Variants in UMAD1 observed in about 807,000 individuals in gnomAD.
UMAD1 encodes UBAP1-MVB12-associated (UMA) domain containing 1, also known as UBAP1-MVB12-associated (UMA)-domain containing protein 1.
A neutral mutation model predicts 6.1 loss-of-function variants in UMAD1; 8 were observed. The ratio of observed to expected loss-of-function variants is 1.30; its 90% CI spans 0.76 to 2.35. The LOEUF (loss-of-function observed/expected upper bound fraction) is 2.35. Among genes scored for constraint, UMAD1 ranks in the 30% most tolerant of loss-of-function variants. UMAD1 has a pLI of 0.00. For missense variants in UMAD1, 130 were observed against 78.4 expected (o/e 1.66, Z -2.49); for synonymous variants, 56 against 31.4 (o/e 1.78, Z -2.61).
intron 2 of UMAD1, among the ~76,000 whole-genome samples, chr7:7,674,512 C>T (rs1414509200): frequency 1.3e-5 from 2 of 152,156 alleles, no homozygotes; most frequent in African/African-American, 2.4e-5. Flanking sequence ...TGTCCAGGGA[C>T]AGGAGCAGTA....
chr7:7,826,829 T>C (rs568276684), intron 3 of UMAD1, among the ~76,000 whole-genome samples: 28 of 152,102 alleles, frequency 1.8e-4, no homozygotes, highest in Non-Finnish European at 2.8e-4. Context: ...TACCTGTAAT[T>C]AAAGAAGAAG....
intron 3 of UMAD1, among the ~76,000 whole-genome samples, chr7:7,812,399 A>G (rs1375984673): frequency 6.6e-5 from 10 of 152,210 alleles, no homozygotes; most frequent in Non-Finnish European, 1.2e-4. Context: ...TAAAATGACC[A>G]CAATGATATT....
chr7:7,759,749 A>T (rs188638853), intron 2 of UMAD1, among the ~76,000 whole-genome samples: 5 of 152,240 alleles, frequency 3.3e-5, no homozygotes, highest in Non-Finnish European at 7.4e-5. Context: ...GTAGGGAAGA[A>T]GGAGGAATGG....
chr7:7,838,735 A>G (rs1282406793), intron 3 of UMAD1, among the ~76,000 whole-genome samples: 3 of 152,222 alleles, frequency 2.0e-5, no homozygotes, highest in Non-Finnish European at 4.4e-5. Flanking sequence ...ATGTTTATTC[A>G]CAAATGAAAT....
chr7:7,707,001 C>T (rs1345283851), intron 2 of UMAD1, among the ~76,000 whole-genome samples: 1 of 152,118 alleles, frequency 6.6e-6, no homozygotes, highest in African/African-American at 2.4e-5. Context: ...GAAGTCAAAA[C>T]ATTTTTAGTC....
intron 2 of UMAD1, chr7:7,676,066 C>T: frequency 2.5e-6 from 1 of 398,694 alleles, no homozygotes; most frequent in Non-Finnish European, 4.4e-6. Context: ...TCTTCGTTCT[C>T]TTTTCATCAT....
At chr7:7,681,153 T>C (rs765486989) in intron 2 of UMAD1, among the ~76,000 whole-genome samples, 1 of 152,206 alleles carries the variant, frequency 6.6e-6, no homozygotes, top group Non-Finnish European at 1.5e-5. Context: ...ATTTGTTAGA[T>C]TATCTCCTTA....
At chr7:7,865,165 G>A (rs1047626223) in intron 3 of UMAD1, among the ~76,000 whole-genome samples, 1 of 152,172 alleles carries the variant, frequency 6.6e-6, no homozygotes, top group Non-Finnish European at 1.5e-5. Context: ...CCTGGAGGAG[G>A]GGGTTGTGGG....
intron 1 of UMAD1, among the ~76,000 whole-genome samples, chr7:7,666,793 C>A (rs1046019624): frequency 6.6e-6 from 1 of 151,754 alleles, no homozygotes; most frequent in African/African-American, 2.4e-5. Flanking sequence ...GTGGTTTGGA[C>A]AGATGAATTT....
intron 1 of UMAD1, among the ~76,000 whole-genome samples, chr7:7,653,056 C>T (rs561460331): frequency 6.0e-4 from 92 of 152,298 alleles, no homozygotes; most frequent in African/African-American, 2.0e-3. Flanking sequence ...TTAATTCTCC[C>T]TTAGGACATT....
At chr7:7,701,455 C>G (rs1780460653) in intron 2 of UMAD1, among the ~76,000 whole-genome samples, 1 of 152,158 alleles carries the variant, frequency 6.6e-6, no homozygotes, top group African/African-American at 2.4e-5. Context: ...ACTTCATTTG[C>G]CATCCGTTGT....
intron 2 of UMAD1, among the ~76,000 whole-genome samples, chr7:7,797,668 A>G (rs969734941): frequency 1.3e-5 from 2 of 151,704 alleles, no homozygotes; most frequent in African/African-American, 2.4e-5. Context: ...TCACATCCTT[A>G]TATAGCTAAA....
At chr7:7,814,388 T>C (rs999895284) in intron 3 of UMAD1, among the ~76,000 whole-genome samples, 6 of 152,186 alleles carry the variant, frequency 3.9e-5, no homozygotes, top group Middle Eastern at 3.2e-3. Flanking sequence ...CCATTTTCCA[T>C]TGGCTAGGGG....
At chr7:7,646,968 G>T (rs114805523) in intron 1 of UMAD1, among the ~76,000 whole-genome samples, 1 of 152,104 alleles carries the variant, frequency 6.6e-6, no homozygotes, top group African/African-American at 2.4e-5. Flanking sequence ...CTTAAGGGTG[G>T]AGCCCTCGCC....
At chr7:7,852,516 CTT>C (rs1783937592) in intron 3 of UMAD1, among the ~76,000 whole-genome samples, 3 of 152,184 alleles carry the variant, frequency 2.0e-5, no homozygotes, top group African/African-American at 7.2e-5. Flanking sequence ...ACAACCCTCT[CTT>C]TGGGTTTGAC....
At chr7:7,663,795 A>G (rs1383387460) in intron 1 of UMAD1, among the ~76,000 whole-genome samples, 1 of 152,196 alleles carries the variant, frequency 6.6e-6, no homozygotes, top group Admixed American at 6.5e-5. Flanking sequence ...TACCAGAAGC[A>G]TTTTTATGGA....
intron 2 of UMAD1, among the ~76,000 whole-genome samples, chr7:7,766,073 A>T (rs1357383827): frequency 6.6e-6 from 1 of 152,194 alleles, no homozygotes; most frequent in Non-Finnish European, 1.5e-5. Context: ...TAGAATCCAG[A>T]TATGGCAGAT....
chr7:7,802,378 A>G (rs148984543), intron 3 of UMAD1, among the ~76,000 whole-genome samples: 66,477 of 138,664 alleles, frequency 0.48, 15,074 homozygotes, highest in African/African-American at 0.66. Context: ...CTCCGTCTCA[A>G]AAAAAAAAAA....
intron 2 of UMAD1, among the ~76,000 whole-genome samples, chr7:7,732,988 AACT>A (rs1781288143): frequency 6.6e-6 from 1 of 152,188 alleles, no homozygotes; most frequent in African/African-American, 2.4e-5. Context: ...GAAACTGATG[AACT>A]ACTTATTTAT....
Sources: allele counts gnomAD v4.1 joint callset (sites outside exome capture counted in the v4.1 genomes callset), GRCh38; gene constraint gnomAD v4.1.1; transcripts MANE v1.5; gene names NCBI Gene and HGNC (gene_info 2026-07-23, HGNC 2026-07-21).